CAST: variants seen among roughly 807,000 people sequenced by gnomAD.
CAST encodes MIR583 host.
A neutral mutation model predicts 119.6 loss-of-function variants in CAST; 76 were observed. The observed-to-expected ratio is 0.64, with a 90% confidence interval of 0.53 to 0.77. The LOEUF (loss-of-function observed/expected upper bound fraction) is 0.77, where lower values mean the gene tolerates loss of function less well. CAST is among the 30% of genes least tolerant of loss of function. CAST has a pLI of 0.00. For synonymous variants in CAST, 319 were observed against 331.6 expected (o/e 0.96, Z 0.41); for missense variants, 953 against 946.5 (o/e 1.01, Z -0.09).
the CAST span, among the ~76,000 whole-genome samples, chr5:96,316,035 G>A: frequency 3.3e-5 from 5 of 152,186 alleles, no homozygotes; most frequent in Non-Finnish European, 7.3e-5. Context: ...CCACCCAGCT[G>A]AGCCTGAGCC....
At chr5:96,473,205 A>G in the CAST span, among the ~76,000 whole-genome samples, 1 of 152,240 alleles carries the variant, frequency 6.6e-6, no homozygotes, top group African/African-American at 2.4e-5. Context: ...TTTGGAGGAC[A>G]CCCACTCCAG....
intron 1 of CAST, among the ~76,000 whole-genome samples, chr5:96,559,029 C>T (rs1178244011): frequency 6.6e-6 from 1 of 152,130 alleles, no homozygotes; most frequent in Non-Finnish European, 1.5e-5. Flanking sequence ...GGGCTTCATC[C>T]CTGGGATGCA....
At chr5:96,501,748 A>G in the CAST span, among the ~76,000 whole-genome samples, 1 of 152,252 alleles carries the variant, frequency 6.6e-6, no homozygotes, top group Non-Finnish European at 1.5e-5. Context: ...TTCTTTTGGT[A>G]TAGTCATGTG....
the CAST span, among the ~76,000 whole-genome samples, chr5:96,491,490 C>CAAAAAAAAA: frequency 3.1e-3 from 174 of 56,728 alleles, 10 homozygotes; most frequent in East Asian, 9.3e-3. Flanking sequence ...GACTCCATCT[C>CAAAAAAAAA]AAAAAAAAAA....
chr5:96,374,976 CTGTTTAGCATTTTAAGTCCAA>C, the CAST span, among the ~76,000 whole-genome samples: 5 of 152,156 alleles, frequency 3.3e-5, no homozygotes, highest in East Asian at 9.6e-4. Context: ...GTATTTCTAG[CTGTTTAGCATTTTAAGTCCAA>C]TTCTCTGACT....
chr5:96,386,140 T>C, the CAST span, among the ~76,000 whole-genome samples: 1 of 152,382 alleles, frequency 6.6e-6, no homozygotes, highest in Admixed American at 6.5e-5. Flanking sequence ...AGAATCTGTT[T>C]TGTATTGTTA....
At position 96,750,625 on chromosome 5, in the gene CAST, T is replaced by G; in HGVS notation, c.1467T>G (p.Ala489=). 1 of 1,613,268 alleles carries G rather than the reference T, an allele frequency of 6.2e-7. No individual in the cohort carries two copies. Among genetic ancestry groups the G allele is most frequent in the Non-Finnish European group, 8.5e-7 (1 of 1,179,416 alleles). Residue 489 remains alanine, a synonymous_variant, in exon 20 of 32, where the codon GCT becomes GCG. Coordinates refer to ENST00000675179, the MANE Select transcript of CAST (RefSeq NM_001750.7). ...CTGCTCCAGCTCCTGTGTCGGAGGC[T>G]GTGTGTCGGACCTCCATGTGTAGTA... ...KAAAPAPVSE[A]VCRTSMCSIQ... is the part of the protein sequence containing the mutation.
At chr5:96,252,309 G>A in the CAST span, among the ~76,000 whole-genome samples, 1 of 152,046 alleles carries the variant, frequency 6.6e-6, no homozygotes, top group African/African-American at 2.4e-5. Context: ...AATTACTATT[G>A]TTTATTCATT....
the CAST span, chr5:96,397,473 T>C: frequency 2.7e-5 from 44 of 1,611,770 alleles, no homozygotes; most frequent in Non-Finnish European, 3.4e-5. Flanking sequence ...CTAGTTCCTA[T>C]GAAACAAATA....
At chr5:96,281,628 A>C in the CAST span, among the ~76,000 whole-genome samples, 1 of 152,138 alleles carries the variant, frequency 6.6e-6, no homozygotes, top group Non-Finnish European at 1.5e-5. Context: ...CCTGGTTCAC[A>C]ATGGAGCTCC....
chr5:96,626,822 A>G (rs765851163), intron 1 of CAST, among the ~76,000 whole-genome samples: 4 of 152,262 alleles, frequency 2.6e-5, no homozygotes, highest in Non-Finnish European at 4.4e-5. Flanking sequence ...GGCCTGGGAC[A>G]GTACCCACGC....
chr5:96,540,392 A>G lies in CAST; in HGVS notation c.60+10512A>G, dbSNP rs182182584. ...CTTTCAGATTTTGTATGTCTGAAACAGTATTTATTTTACCTTTATTTTTAT... is the reference window on the plus strand; with the variant it reads ...CTTTCAGATTTTGTATGTCTGAAACGGTATTTATTTTACCTTTATTTTTAT... On this transcript the variant is annotated intron_variant, in intron 1 of 11. Coordinates refer to the CAST transcript ENST00000505143. Among the ~76,000 whole-genome samples the G allele has an allele frequency of 6.0e-3, 911 of 152,116 alleles. 6 individuals are homozygous for G. The highest frequency in any genetic ancestry group is 0.021 in the African/African-American group (868 of 41,514).
At chr5:96,754,608 A>G (rs757144996) in intron 21 of CAST, 50 bp from the exon 22 acceptor site, 5 of 1,102,106 alleles carry the variant, frequency 4.5e-6, no homozygotes, top group Admixed American at 3.8e-5. Flanking sequence ...CATGAATTTT[A>G]TGGAGAGAAA....
At chr5:96,331,890 T>C in the CAST span, among the ~76,000 whole-genome samples, 1 of 152,226 alleles carries the variant, frequency 6.6e-6, no homozygotes, top group Non-Finnish European at 1.5e-5. Flanking sequence ...AGAGGAAAGA[T>C]GGGGATATAA....
the CAST span, among the ~76,000 whole-genome samples, chr5:96,345,490 C>T: frequency 1.3e-4 from 20 of 152,170 alleles, no homozygotes; most frequent in African/African-American, 3.1e-4. Flanking sequence ...TCACTTTCTA[C>T]GTCTAACTCA....
At chr5:96,571,561 C>A (rs545696797) in intron 1 of CAST, among the ~76,000 whole-genome samples, 104 of 152,138 alleles carry the variant, frequency 6.8e-4, no homozygotes, top group Non-Finnish European at 1.3e-3. Context: ...ACTGAACCGA[C>A]CATTGAATGG....
the CAST span, among the ~76,000 whole-genome samples, chr5:96,138,903 T>C: frequency 6.6e-6 from 1 of 151,982 alleles, no homozygotes; most frequent in Non-Finnish European, 1.5e-5. Flanking sequence ...TTATAATTTG[T>C]TTATTTTTTA....
chr5:96,391,354 C>T, the CAST span: 1 of 152,184 alleles, frequency 6.6e-6, no homozygotes, highest in African/African-American at 2.4e-5. Context: ...GAAGTTCAAA[C>T]TTCATGGAAA....
chr5:95,989,535 T>C, the CAST span, among the ~76,000 whole-genome samples: 5 of 152,330 alleles, frequency 3.3e-5, no homozygotes, highest in Admixed American at 6.5e-5. Flanking sequence ...TGCTGAACAT[T>C]CTTAAACTAG....
Sources: gnomAD v4.1 joint callset for allele counts (sites outside exome capture counted in the v4.1 genomes callset) on GRCh38, gnomAD v4.1.1 for gene constraint, MANE v1.5 for transcripts, NCBI Gene and HGNC (gene_info 2026-07-23, HGNC 2026-07-21) for gene names.